ANKRD17: variants seen among roughly 807,000 people sequenced by gnomAD.
ANKRD17 encodes ankyrin repeat domain 17.
In ANKRD17, 19 loss-of-function variants were observed where a neutral mutation model predicts 229.7. The observed-to-expected ratio is 0.08, with a 90% CI of 0.06 to 0.12. ANKRD17 has a LOEUF of 0.12. Among genes scored for constraint, ANKRD17 ranks in the 10% least tolerant of loss-of-function variants. The probability of loss-of-function intolerance (pLI) is 1.00; values close to 1 mark genes in which losing one functional copy is unlikely to be tolerated. For missense variants in ANKRD17, 2,176 were observed against 3,176.8 expected (o/e 0.68, Z 7.57); for synonymous variants, 1,112 against 1,146.1 (o/e 0.97, Z 0.60).
At chr4:73,175,237 C>T (rs1734575057) in intron 2 of ANKRD17, among the ~76,000 whole-genome samples, 1 of 152,120 alleles carries the variant, frequency 6.6e-6, no homozygotes, top group African/African-American at 2.4e-5. Context: ...CACATGGCAG[C>T]AGGAGAGAGA....
intron 27 of ANKRD17, among the ~76,000 whole-genome samples, chr4:73,095,768 C>T (rs1050805261): frequency 1.3e-5 from 2 of 151,992 alleles, no homozygotes; most frequent in African/African-American, 4.8e-5. Context: ...TAGCTCACTG[C>T]AGCCTCAAAC....
chr4:73,142,440 C>A, intron 12 of ANKRD17, 55 bp from the exon 13 acceptor site: 1 of 1,578,562 alleles, frequency 6.3e-7, no homozygotes, highest in Non-Finnish European at 8.5e-7. Context: ...AGTTAGTTTA[C>A]AGAATCACTT....
intron 1 of ANKRD17, among the ~76,000 whole-genome samples, chr4:73,209,428 A>C (rs2149146476): frequency 6.6e-6 from 1 of 152,320 alleles, no homozygotes; most frequent in Non-Finnish European, 1.5e-5. Context: ...AAGTCCTTGC[A>C]AATCACAATT....
At chr4:73,222,484 A>C (rs1741986538) in intron 1 of ANKRD17, among the ~76,000 whole-genome samples, 1 of 152,200 alleles carries the variant, frequency 6.6e-6, no homozygotes, top group Non-Finnish European at 1.5e-5. Context: ...AAAATCTAGG[A>C]CCAGAGTATA....
intron 16 of ANKRD17, among the ~76,000 whole-genome samples, chr4:73,134,710 T>C (rs755228223): frequency 6.6e-6 from 1 of 152,216 alleles, no homozygotes; most frequent in Non-Finnish European, 1.5e-5. Context: ...TGATATATGA[T>C]ATCAATCATG....
chr4:73,217,554 G>A (rs1349238211), intron 1 of ANKRD17, among the ~76,000 whole-genome samples: 1 of 151,672 alleles, frequency 6.6e-6, no homozygotes, highest in African/African-American at 2.4e-5. Context: ...TAGACATAGG[G>A]TCTCACTATG....
At chr4:73,217,447 C>T (rs1741225107) in intron 1 of ANKRD17, among the ~76,000 whole-genome samples, 1 of 152,174 alleles carries the variant, frequency 6.6e-6, no homozygotes, top group Non-Finnish European at 1.5e-5. Flanking sequence ...AGTATCCTCA[C>T]TGCAAAATAT....
intron 1 of ANKRD17, among the ~76,000 whole-genome samples, chr4:73,243,164 C>T (rs1744197386): frequency 6.6e-6 from 1 of 152,048 alleles, no homozygotes; most frequent in South Asian, 2.1e-4. Flanking sequence ...AGTCAAGGAA[C>T]TAGAAGGGCT....
Position 73,190,269 on chromosome 4 carries a change from T to C in ANKRD17, c.394-12736A>G, listed in dbSNP as rs535557778. 5.5e-4 allele frequency among the ~76,000 whole-genome samples: 83 copies of C among 152,136 alleles called. 1 individual carries two copies. The South Asian group carries it at 0.016, about 29-fold the overall frequency. ...CTGTAATCCCAGCTACTTGGGAGGCTGAGGCAGGAGAATCACTTGAACCCG... is the reference window on the plus strand; with the variant it reads ...CTGTAATCCCAGCTACTTGGGAGGCCGAGGCAGGAGAATCACTTGAACCCG... On this transcript the variant is annotated intron_variant, in intron 1 of 33. Coordinates refer to ENST00000358602, the MANE Select transcript of ANKRD17 (RefSeq NM_032217.5).
chr4:73,221,997 T>A (rs1741918532), intron 1 of ANKRD17, among the ~76,000 whole-genome samples: 1 of 152,040 alleles, frequency 6.6e-6, no homozygotes, highest in African/African-American at 2.4e-5. Flanking sequence ...TGCAGCTTCT[T>A]CTCCCAAGCC....
chr4:73,244,996 G>A (rs567101640), intron 1 of ANKRD17, among the ~76,000 whole-genome samples: 5 of 152,184 alleles, frequency 3.3e-5, no homozygotes, highest in African/African-American at 1.2e-4. Flanking sequence ...CTATAAAGCA[G>A]TTTGCAAGCA....
At chr4:73,231,239 C>T (rs1415312425) in intron 1 of ANKRD17, among the ~76,000 whole-genome samples, 4 of 152,074 alleles carry the variant, frequency 2.6e-5, no homozygotes, top group Admixed American at 6.5e-5. Context: ...CTTGAGTCAC[C>T]GGTTTCTACC....
chr4:73,240,607 A>G lies in ANKRD17; in HGVS notation c.393+17669T>C, dbSNP rs747782572. Among the ~76,000 whole-genome samples the G allele has an allele frequency of 7.9e-5, 12 of 152,232 alleles. No homozygotes were observed. The South Asian group carries it at 1.7e-3, about 21-fold the overall frequency. On this transcript the variant is annotated intron_variant, in intron 1 of 33. Transcript: ENST00000358602. ...GCCACTGCCCTCCAGCCTATGCAAC[A>G]GAGCAAGACCCTGTGCCTAAAAAAA...
rs1468562108 is a variant in ANKRD17 at position 73,073,646 on chromosome 4, T to C, written c.*2585A>G. The C allele has an allele frequency of 1.3e-5, 2 of 152,042 alleles. No homozygotes were observed. Among genetic ancestry groups the C allele is most frequent in the Non-Finnish European group, 2.9e-5 (2 of 67,888 alleles). The allele number at this position is 152,042 out of a possible 1,614,324, so 9.4% of individuals were successfully genotyped here. On this transcript the variant is annotated 3_prime_UTR_variant, in exon 34 of 34. Transcript: ENST00000358602. ...TCATTTACAAAAAAATTAATTTTCA[T>C]GTATCAATAAAAATGACTTGACTTT...
At position 73,076,207 on chromosome 4, in the gene ANKRD17, T is replaced by C. The variant is rs1368017810; in HGVS notation, c.*24A>G. The C allele has an allele frequency of 1.3e-6, 2 of 1,589,060 alleles. No homozygotes were observed. Among genetic ancestry groups the C allele is most frequent in the Non-Finnish European group, 1.7e-6 (2 of 1,172,006 alleles). ...GATTTCCTCCAAATGAAAAGGAATC[T>C]GCAGGCTAACAAGCTGATCCTCATC... On this transcript the variant is annotated 3_prime_UTR_variant, in exon 34 of 34. Coordinates refer to ENST00000358602, the MANE Select transcript of ANKRD17 (RefSeq NM_032217.5).
At chr4:73,101,091 T>A in intron 25 of ANKRD17, 1 of 842,554 alleles carries the variant, frequency 1.2e-6, no homozygotes, top group Non-Finnish European at 1.4e-6. Context: ...ATGTGCATAA[T>A]TTTTATGCAA....
intron 1 of ANKRD17, among the ~76,000 whole-genome samples, chr4:73,208,427 C>T (rs1194983497): frequency 6.6e-6 from 1 of 152,098 alleles, no homozygotes. Context: ...TATAATATGC[C>T]AACATATTTA....
chr4:73,176,585 G>A (rs1734764783), intron 2 of ANKRD17, among the ~76,000 whole-genome samples: 1 of 151,956 alleles, frequency 6.6e-6, no homozygotes, highest in African/African-American at 2.4e-5. Flanking sequence ...TTGGGGCAGT[G>A]GGGATGGTTA....
intron 27 of ANKRD17, among the ~76,000 whole-genome samples, chr4:73,096,569 C>G (rs1351891068): frequency 6.6e-6 from 1 of 152,124 alleles, no homozygotes; most frequent in Admixed American, 6.5e-5. Context: ...CCGGAAAGTT[C>G]TTTAAAATAA....
Sources: allele counts gnomAD v4.1 joint callset (sites outside exome capture counted in the v4.1 genomes callset), GRCh38; gene constraint gnomAD v4.1.1; transcripts MANE v1.5; gene names NCBI Gene and HGNC (gene_info 2026-07-23, HGNC 2026-07-21).